The following CSF2RA variants were observed in gnomAD, a reference collection of about 807,000 sequenced individuals.
The protein encoded by CSF2RA is colony stimulating factor 2 receptor subunit alpha, also known as granulocyte-macrophage colony-stimulating factor receptor subunit alpha.
In CSF2RA, 42 loss-of-function variants were observed where a neutral mutation model predicts 51.6. The ratio of observed to expected loss-of-function variants is 0.81; its 90% CI spans 0.64 to 1.05. CSF2RA has a LOEUF of 1.05. Ranked by LOEUF, CSF2RA falls within the 50% of genes least tolerant of loss-of-function variation. The probability of loss-of-function intolerance (pLI) is 0.00; values close to 1 mark genes in which losing one functional copy is unlikely to be tolerated. For missense variants in CSF2RA, 530 were observed against 501.1 expected, an observed-to-expected ratio of 1.06 and a Z score of -0.55; for synonymous variants, 222 against 193.0, an observed-to-expected ratio of 1.15 and a Z score of -1.24.
intron 7 of CSF2RA, among the ~76,000 whole-genome samples, chrX:1,293,670 C>T (rs1432716153): frequency 1.3e-5 from 2 of 149,700 alleles, no homozygotes; most frequent in African/African-American, 4.9e-5. Context: ...CCATATCTAC[C>T]TGGACCCAGT....
the CSF2RA span, among the ~76,000 whole-genome samples, chrX:1,317,463 C>T: frequency 6.9e-6 from 1 of 145,074 alleles, no homozygotes. Context: ...ATCAGTCAGG[C>T]TGGTCTCGAA....
At chrX:1,299,990 G>T (rs1174983362) in intron 9 of CSF2RA, among the ~76,000 whole-genome samples, 1 of 152,014 alleles carries the variant, frequency 6.6e-6, no homozygotes, top group Non-Finnish European at 1.5e-5. Flanking sequence ...GGCCGAGGCG[G>T]TCGGATCACG....
At chrX:1,314,592 A>ACCTACCCAACCCCACTGTG (rs2084423127), downstream of CSF2RA, among the ~76,000 whole-genome samples, 1 of 11,830 alleles carries the variant, frequency 8.5e-5, no homozygotes. Context: ...ACCCCACTGC[A>ACCTACCCAACCCCACTGTG]CCTGCCCAAC....
the CSF2RA span, among the ~76,000 whole-genome samples, chrX:1,324,403 G>C: frequency 8.2e-6 from 1 of 122,170 alleles, no homozygotes; most frequent in African/African-American, 3.9e-5. Context: ...GAAGGAAAAA[G>C]GAAAAGAAAG....
Position 1,269,831 on chromosome X carries a change from G to T in CSF2RA, c.-91+952G>T, listed in dbSNP as rs2088133598. Among the ~76,000 whole-genome samples the T allele has an allele frequency of 2.6e-5, 4 of 151,892 alleles. No homozygotes were observed. The South Asian group carries it at 8.3e-4, about 32-fold the overall frequency. ...TTATTAAGATAGTAAAGGGGGGCCG[G>T]GCACGGTGGCTCATGCCTGTAATCC... On this transcript the variant is annotated intron_variant, in intron 1 of 12. Transcript: ENST00000381529.
In CSF2RA at chrX:1,309,505, G is replaced by A. The variant is rs1473305431; in HGVS notation, c.*26G>A. 2 of 1,613,966 alleles carry A rather than the reference G, an allele frequency of 1.2e-6. No homozygotes were observed. The highest frequency in any genetic ancestry group is 1.7e-6 in the Non-Finnish European group (2 of 1,179,844). The stretch of plus-strand genomic sequence containing the variant: ...GACCCAGAGGGTGTAGGAATGGCAT[G>A]GACATCTCCGCCTCCGCGACACGGG... On this transcript the variant is annotated 3_prime_UTR_variant, in exon 13 of 13. Coordinates refer to ENST00000381529, the MANE Select transcript of CSF2RA (RefSeq NM_172245.4).
At chrX:1,269,326 G>A (rs1422446033) in intron 1 of CSF2RA, among the ~76,000 whole-genome samples, 1 of 152,068 alleles carries the variant, frequency 6.6e-6, no homozygotes, top group African/African-American at 2.4e-5. Context: ...AAGCCGTTTC[G>A]AGAGATGAAC....
In CSF2RA at chrX:1,272,768, C is replaced by T. The variant is rs775053719; in HGVS notation, c.-90-1987C>T. On this transcript the variant is annotated intron_variant, in intron 1 of 12. Transcript: ENST00000381529. ...GGCCTCCCAAAGTGCTGGGATTATACGCATGAGCCACTGCACCTAGCTTCT... is the reference window on the plus strand; with the variant it reads ...GGCCTCCCAAAGTGCTGGGATTATATGCATGAGCCACTGCACCTAGCTTCT... Among the ~76,000 whole-genome samples the T allele has an allele frequency of 9.5e-4, 139 of 146,614 alleles. 2 individuals carry two copies. Among genetic ancestry groups the T allele is most frequent in the Middle Eastern group, 4.2e-3 (1 of 240 alleles).
At chrX:1,288,666 C>G in intron 5 of CSF2RA, 24 bp downstream of exon 5, 1 of 1,613,902 alleles carries the variant, frequency 6.2e-7, no homozygotes, top group East Asian at 2.2e-5. Flanking sequence ...CTCAGGGATC[C>G]GTTTACAGCA....
chrX:1,273,770 T>TG (rs1271090194), intron 1 of CSF2RA, among the ~76,000 whole-genome samples: 43,491 of 144,352 alleles, frequency 0.3, 7,444 homozygotes, highest in African/African-American at 0.47. Flanking sequence ...TTTTTGTATT[T>TG]TTTTTTTTTA....
chrX:1,316,735 C>T, the CSF2RA span, among the ~76,000 whole-genome samples: 39,504 of 152,032 alleles, frequency 0.26, 5,874 homozygotes, highest in Middle Eastern at 0.35. Context: ...CTCCTACATC[C>T]GTGCCTGCGT....
At chrX:1,269,733 T>G (rs1246169771) in intron 1 of CSF2RA, among the ~76,000 whole-genome samples, 110 of 152,082 alleles carry the variant, frequency 7.2e-4, no homozygotes, top group African/African-American at 2.5e-3. Flanking sequence ...TGATCCAGAC[T>G]TCAAGAACGG....
In CSF2RA at chrX:1,288,167, G is replaced by T. The variant is rs1328538176; in HGVS notation, c.220-352G>T. Among the ~76,000 whole-genome samples the T allele has an allele frequency of 3.3e-5, 5 of 151,998 alleles. No individual in the cohort carries two copies. In the South Asian group the frequency reaches 8.3e-4, roughly 25 times the overall value. On this transcript the variant is annotated intron_variant, in intron 4 of 12. Transcript: ENST00000381529. The stretch of plus-strand genomic sequence containing the variant: ...TGATTTCACAAAGGGAGGCAGGTGC[G>T]TGTCGCCAAATCCAGGTAAAAACCA...
intron 1 of CSF2RA, among the ~76,000 whole-genome samples, chrX:1,271,891 A>G (rs1297046031): frequency 6.6e-6 from 1 of 151,990 alleles, no homozygotes; most frequent in African/African-American, 2.4e-5. Flanking sequence ...GGTCCCCTGT[A>G]GGTTTGCTGT....
At chrX:1,275,552 T>TTTCA (rs1556490723) in intron 2 of CSF2RA, among the ~76,000 whole-genome samples, 1 of 151,382 alleles carries the variant, frequency 6.6e-6, no homozygotes, top group Non-Finnish European at 1.5e-5. Context: ...TTTTACTTTA[T>TTTCA]TTTATTTATT....
chrX:1,285,965 C>T (rs763162018), intron 4 of CSF2RA, 45 bp downstream of exon 4: 1 of 1,613,266 alleles, frequency 6.2e-7, no homozygotes, highest in Admixed American at 1.7e-5. Flanking sequence ...TTACACACCC[C>T]TTTCTGAGTT....
At chrX:1,323,721 A>T in the CSF2RA span, among the ~76,000 whole-genome samples, 2 of 151,634 alleles carry the variant, frequency 1.3e-5, no homozygotes, top group East Asian at 2.0e-4. Flanking sequence ...CCCATCTCTT[A>T]AAAAAAATGC....
At chrX:1,282,232 C>G (rs1253116425) in intron 2 of CSF2RA, 79 of 183,752 alleles carry the variant, frequency 4.3e-4, no homozygotes, top group African/African-American at 1.8e-3. Flanking sequence ...TACAAAAGAG[C>G]AAAACAAAAC....
intron 4 of CSF2RA, among the ~76,000 whole-genome samples, chrX:1,287,705 G>C (rs28541345): frequency 7.8e-6 from 1 of 128,420 alleles, no homozygotes; most frequent in African/African-American, 3.0e-5. Context: ...CGGCCTCCCA[G>C]AGTGCTGGCA....
Sources: allele counts gnomAD v4.1 joint callset (sites outside exome capture counted in the v4.1 genomes callset), GRCh38; gene constraint gnomAD v4.1.1; transcripts MANE v1.5; gene names NCBI Gene and HGNC (gene_info 2026-07-23, HGNC 2026-07-21).